SNX13: variants seen among roughly 807,000 people sequenced by gnomAD.
The protein encoded by SNX13 is sorting nexin 13, also known as sorting nexin-13.
SNX13 carries 45 observed loss-of-function variants against 133.6 expected under a neutral mutation model. That is an observed-to-expected ratio of 0.34 (90% CI 0.27 to 0.43). SNX13 has a LOEUF of 0.43. Among genes scored for constraint, SNX13 ranks in the 20% least tolerant of loss-of-function variants. The pLI is 1.00. For missense variants in SNX13, 1,032 were observed against 1,145.1 expected, an observed-to-expected ratio of 0.90 and a Z score of 1.43; for synonymous variants, 414 against 373.9, an observed-to-expected ratio of 1.11 and a Z score of -1.24.
intron 20 of SNX13, among the ~76,000 whole-genome samples, chr7:17,807,744 C>T (rs1385618480): frequency 6.6e-6 from 1 of 152,208 alleles, no homozygotes; most frequent in East Asian, 1.9e-4. Flanking sequence ...GAGTGCCCCT[C>T]TGGGATGAAG....
rs183814556 is a variant in SNX13, at chr7:17,868,725, G to A, written c.754-235C>T. On this transcript the variant is annotated intron_variant, in intron 8 of 25. Coordinates refer to ENST00000428135, the MANE Select transcript of SNX13 (RefSeq NM_015132.5). Reference sequence around the variant, plus strand: ...ATCTCCACAGTAACAACTGTGGAGTGAAATAAAGCAAGATGATACCTCTAG... The same window carrying A: ...ATCTCCACAGTAACAACTGTGGAGTAAAATAAAGCAAGATGATACCTCTAG... Among the ~76,000 whole-genome samples the A allele has an allele frequency of 8.5e-5, 13 of 152,156 alleles. No homozygotes were observed. In the East Asian group the frequency reaches 2.5e-3, roughly 29 times the overall value.
intron 20 of SNX13, among the ~76,000 whole-genome samples, chr7:17,810,143 G>A (rs530969268): frequency 6.6e-6 from 1 of 152,022 alleles, no homozygotes; most frequent in Non-Finnish European, 1.5e-5. Context: ...AGGAGATAGA[G>A]ACACGAAAAA....
intron 1 of SNX13, among the ~76,000 whole-genome samples, chr7:17,913,760 C>CAAAAAAAAAAAAAAAAAAAAAAAAAAA (rs71010278): frequency 1.8e-5 from 1 of 54,076 alleles, no homozygotes; most frequent in Non-Finnish European, 3.1e-5. Flanking sequence ...TTAACAAAAA[C>CAAAAAAAAAAAAAAAAAAAAAAAAAAA]AAAAAAAAAA....
intron 9 of SNX13, 84 bp downstream of exon 9, chr7:17,868,323 G>A: frequency 2.2e-6 from 2 of 914,840 alleles, no homozygotes; most frequent in Non-Finnish European, 3.4e-6. Context: ...ATAAATTACT[G>A]CTTAAACACC....
Position 17,803,511 on chromosome 7 carries a change from C to G in SNX13, c.2134G>C (p.Asp712His). The G allele has an allele frequency of 1.2e-6, 2 of 1,612,298 alleles. No individual in the cohort carries two copies. Among genetic ancestry groups the G allele is most frequent in the Non-Finnish European group, 1.7e-6 (2 of 1,179,156 alleles). Residue 712 changes from aspartate to histidine, a missense_variant, in exon 21 of 26, where the codon GAT (aspartate) becomes CAT (histidine). Asp to His is a moderately conservative substitution (Grantham distance 81). Transcript: ENST00000428135. ...NVSNAVKSLP[D>H]SLAEGMTKMS... Reference sequence around the variant, plus strand: ...TTAGTCATTCCCTCTGCCAAGCTATCAGGAAGGGATTTAACTGCATTTGAA... The same window carrying G: ...TTAGTCATTCCCTCTGCCAAGCTATGAGGAAGGGATTTAACTGCATTTGAA...
intron 9 of SNX13, among the ~76,000 whole-genome samples, chr7:17,854,068 A>T (rs1163213930): frequency 6.6e-6 from 1 of 152,254 alleles, no homozygotes; most frequent in Non-Finnish European, 1.5e-5. Context: ...TACAAAAAAG[A>T]ATGAAGGGTA....
intron 2 of SNX13, among the ~76,000 whole-genome samples, chr7:17,893,886 C>T (rs564173693): frequency 6.7e-6 from 1 of 149,842 alleles, no homozygotes; most frequent in Non-Finnish European, 1.5e-5. Context: ...GCAGGAGAAT[C>T]GCTGGAACCT....
At chr7:17,927,981 A>G (rs1800948959) in intron 1 of SNX13, among the ~76,000 whole-genome samples, 1 of 152,132 alleles carries the variant, frequency 6.6e-6, no homozygotes, top group Non-Finnish European at 1.5e-5. Flanking sequence ...ATGTCCCCCC[A>G]TCCATCTCTC....
At chr7:17,798,862 C>T (rs1483568488) in intron 23 of SNX13, 104 bp from the exon 24 acceptor site, 3 of 1,215,776 alleles carry the variant, frequency 2.5e-6, no homozygotes, top group East Asian at 4.9e-5. Flanking sequence ...TGTAAATTAT[C>T]CCTGAGAGCA....
intron 19 of SNX13, among the ~76,000 whole-genome samples, chr7:17,815,226 C>T (rs2723505): frequency 0.61 from 92,219 of 151,976 alleles, 29,319 homozygotes; most frequent in African/African-American, 0.79. Context: ...TCAGATCTTA[C>T]AGCTTATACT....
chr7:17,795,700 C>G (rs1783968507), intron 25 of SNX13: 1 of 151,682 alleles, frequency 6.6e-6, no homozygotes, highest in Non-Finnish European at 1.5e-5. Context: ...CAGCACCTGG[C>G]ACATAATAAC....
At chr7:17,797,077 A>ATGTT in intron 24 of SNX13, 138 bp from the exon 25 acceptor site, 1 of 664,618 alleles carries the variant, frequency 1.5e-6, no homozygotes, top group Non-Finnish European at 2.5e-6. Flanking sequence ...ATATAGCTAT[A>ATGTT]ATGATATTCA....
chr7:17,921,204 T>A (rs1464804), intron 1 of SNX13, among the ~76,000 whole-genome samples: 47,590 of 151,986 alleles, frequency 0.31, 8,018 homozygotes, highest in East Asian at 0.59. Flanking sequence ...TAAGAACTGT[T>A]TACCCAATTC....
intron 1 of SNX13, among the ~76,000 whole-genome samples, chr7:17,908,464 A>G (rs17138418): frequency 0.032 from 4,900 of 152,256 alleles, 274 homozygotes; most frequent in African/African-American, 0.11. Context: ...AATTCTATCA[A>G]GTTCCCCTCA....
chr7:17,830,589 AAGAC>A (rs1256650325), intron 15 of SNX13: 19 of 983,806 alleles, frequency 1.9e-5, no homozygotes, highest in Non-Finnish European at 2.2e-5. Context: ...ATATAACAAA[AAGAC>A]AGTTAAAACT....
intron 12 of SNX13, among the ~76,000 whole-genome samples, chr7:17,841,011 G>GT (rs1490813217): frequency 1.3e-5 from 2 of 152,056 alleles, no homozygotes; most frequent in African/African-American, 4.8e-5. Flanking sequence ...ACTAGAACAA[G>GT]TAGCTGTGCA....
At chr7:17,875,823 A>G (rs1198729134) in intron 5 of SNX13, 33 bp from the exon 6 acceptor site, 7 of 1,486,258 alleles carry the variant, frequency 4.7e-6, no homozygotes, top group Non-Finnish European at 5.5e-6. Context: ...AAAGGATTAT[A>G]TAAATGCTTT....
At chr7:17,854,513 T>C (rs561032633) in intron 9 of SNX13, among the ~76,000 whole-genome samples, 9 of 152,246 alleles carry the variant, frequency 5.9e-5, no homozygotes, top group African/African-American at 2.2e-4. Flanking sequence ...GTCCAGAAAC[T>C]CTTACCAGCA....
intron 5 of SNX13, chr7:17,880,785 A>G (rs1207324910): frequency 6.6e-6 from 1 of 152,200 alleles, no homozygotes; most frequent in East Asian, 1.9e-4. Context: ...GACGAGAACC[A>G]CACACACAAA....
Sources: allele counts gnomAD v4.1 joint callset (sites outside exome capture counted in the v4.1 genomes callset), GRCh38; gene constraint gnomAD v4.1.1; transcripts MANE v1.5; gene names NCBI Gene and HGNC (gene_info 2026-07-23, HGNC 2026-07-21).